The following MAD1L1 variants were observed in gnomAD, a reference collection of about 807,000 sequenced individuals.
MAD1L1 encodes the protein mitotic spindle assembly checkpoint protein MAD1.
A neutral mutation model predicts 96.9 loss-of-function variants in MAD1L1; 95 were observed. The ratio of observed to expected loss-of-function variants is 0.98; its 90% confidence interval spans 0.83 to 1.16. The LOEUF (loss-of-function observed/expected upper bound fraction) is 1.16. Among genes scored for constraint, MAD1L1 ranks in the 50% most tolerant of loss-of-function variants. The pLI, the probability that MAD1L1 is intolerant of heterozygous loss-of-function variation, is 0.00. For synonymous variants in MAD1L1, 473 were observed against 396.6 expected (o/e 1.19, Z -2.29); for missense variants, 1,007 against 954.4 (o/e 1.06, Z -0.73).
In MAD1L1 at chr7:2,229,998, G is replaced by A. The variant is rs975733229; in HGVS notation, c.136C>T (p.Gln46Ter). 3 of 1,612,840 alleles carry A rather than the reference G, an allele frequency of 1.9e-6. No homozygotes were observed. Among genetic ancestry groups the A allele is most frequent in the Non-Finnish European group, 2.5e-6 (3 of 1,180,022 alleles). The change falls in exon 3 of 19, where the codon CAG becomes TAG. Residue 46 changes from glutamine (Q) to a stop codon, truncating the protein, a stop_gained. Transcript: ENST00000265854. LOFTEE classifies it high-confidence loss of function. ...SAPGSLQMQY[Q>*]QSMQLEERAE... Reference sequence around the variant, plus strand: ...ATGCCACTCACCTGCATGCTCTGCTGGTACTGCATCTGCAGAGAACCTGGG... The same window carrying A: ...ATGCCACTCACCTGCATGCTCTGCTAGTACTGCATCTGCAGAGAACCTGGG...
intron 12 of MAD1L1, among the ~76,000 whole-genome samples, chr7:2,032,803 A>G (rs1783288180): frequency 6.6e-6 from 1 of 152,182 alleles, no homozygotes; most frequent in South Asian, 2.1e-4. Context: ...CCCAGAACTC[A>G]GCCTGGAGAG....
intron 18 of MAD1L1, chr7:1,847,903 C>T (rs968543914): frequency 2.8e-6 from 1 of 358,460 alleles, no homozygotes; most frequent in Admixed American, 3.6e-5. Flanking sequence ...CCCACTCTCA[C>T]CCACGCAGCT....
intron 17 of MAD1L1, among the ~76,000 whole-genome samples, chr7:1,922,349 G>A (rs1788847154): frequency 6.6e-6 from 1 of 152,266 alleles, no homozygotes; most frequent in Non-Finnish European, 1.5e-5. Context: ...TGGTGTTAGT[G>A]ATGCCTGCAG....
chr7:1,975,718 C>T (rs1780605382), intron 15 of MAD1L1, among the ~76,000 whole-genome samples: 1 of 152,190 alleles, frequency 6.6e-6, no homozygotes, highest in Non-Finnish European at 1.5e-5. Context: ...GTGGAGATCA[C>T]AGAGTGTCCT....
chr7:1,859,415 G>A (rs1054646926), intron 18 of MAD1L1, among the ~76,000 whole-genome samples: 36 of 152,244 alleles, frequency 2.4e-4, no homozygotes, highest in African/African-American at 8.2e-4. Context: ...GAGCCACAGG[G>A]ATATGTGTTT....
intron 17 of MAD1L1, among the ~76,000 whole-genome samples, chr7:1,908,931 G>A (rs1027948716): frequency 1.3e-5 from 2 of 152,224 alleles, no homozygotes; most frequent in Non-Finnish European, 2.9e-5. Context: ...CCTGGCATGA[G>A]CAGCGGCCCC....
At chr7:2,173,115 T>C (rs1790786586) in intron 10 of MAD1L1, among the ~76,000 whole-genome samples, 1 of 152,214 alleles carries the variant, frequency 6.6e-6, no homozygotes, top group Non-Finnish European at 1.5e-5. Flanking sequence ...CCACTCTGCA[T>C]CTCCTGGCCC....
chr7:2,134,648 T>C (rs756886622), intron 11 of MAD1L1, among the ~76,000 whole-genome samples: 1 of 152,140 alleles, frequency 6.6e-6, no homozygotes, highest in African/African-American at 2.4e-5. Context: ...AAAAGAAAAA[T>C]CTGCCCATTT....
intron 17 of MAD1L1, among the ~76,000 whole-genome samples, chr7:1,903,405 T>C (rs1356491509): frequency 0.091 from 4,767 of 52,646 alleles, no homozygotes; most frequent in Middle Eastern, 0.16. Flanking sequence ...ATGGAAGACG[T>C]TCTTGCGGAA....
chr7:2,002,237 G>A, intron 13 of MAD1L1, 116 bp from the exon 14 acceptor site: 2 of 1,068,350 alleles, frequency 1.9e-6, no homozygotes, highest in Non-Finnish European at 2.8e-6. Context: ...GGAGCAACGG[G>A]ACCCAGGAGC....
chr7:2,142,412 G>A lies in MAD1L1; in HGVS notation c.1073+6740C>T, dbSNP rs1378839030. On this transcript the variant is annotated intron_variant, in intron 11 of 18. Coordinates refer to ENST00000265854, the MANE Select transcript of MAD1L1 (RefSeq NM_001013836.2). The surrounding 1 kb of genome is among the most constrained non-coding windows in gnomAD (Gnocchi z 4.7). Reference sequence around the variant, plus strand: ...CACTGTGCGTCCCAGGCATGGTCCGGGGCTGCGGGAGAAACTCTTGGGACC... The same window carrying A: ...CACTGTGCGTCCCAGGCATGGTCCGAGGCTGCGGGAGAAACTCTTGGGACC... Among the ~76,000 whole-genome samples the A allele has an allele frequency of 6.6e-6, 1 of 152,220 alleles. No homozygotes were observed. Among genetic ancestry groups the A allele is most frequent in the East Asian group, 1.9e-4 (1 of 5,194 alleles).
intron 18 of MAD1L1, among the ~76,000 whole-genome samples, chr7:1,882,783 T>A (rs535091702): frequency 2.5e-4 from 38 of 152,338 alleles, no homozygotes; most frequent in African/African-American, 8.4e-4. Context: ...CACCCAGGCC[T>A]GCCCTCCATC....
rs555346594 is a variant in MAD1L1, at chr7:1,877,869, T to C, written c.1998+20331A>G. ...TCTTAACTGCGTATGTACCCCAAAA[T>C]AGGGATTAAAAATATAGGAAGCAAA... On this transcript the variant is annotated intron_variant, in intron 18 of 18. Coordinates refer to ENST00000265854, the MANE Select transcript of MAD1L1 (RefSeq NM_001013836.2). 4.6e-5 allele frequency among the ~76,000 whole-genome samples: 7 copies of C among 151,758 alleles called. No individual in the cohort carries two copies. In the South Asian group the frequency reaches 8.4e-4, roughly 18 times the overall value.
chr7:1,999,460 T>C (rs1173247293), intron 14 of MAD1L1, among the ~76,000 whole-genome samples: 3 of 152,168 alleles, frequency 2.0e-5, no homozygotes, highest in African/African-American at 7.2e-5. Context: ...CCATTCCCCA[T>C]GACTGTGTCT....
In MAD1L1 at chr7:1,816,046, C is replaced by A; in HGVS notation, c.*24G>T. 6.3e-7 allele frequency: 1 copy of A among 1,590,742 alleles called. No homozygotes were observed. Among genetic ancestry groups the A allele is most frequent in the South Asian group, 1.1e-5 (1 of 88,248 alleles). On this transcript the variant is annotated 3_prime_UTR_variant, in exon 19 of 19. Transcript: ENST00000265854. The stretch of plus-strand genomic sequence containing the variant: ...CAGGTCAGGCCAAGCAGAGTGGCTC[C>A]GGCTATGCCCCCGAGCCTGCAGGCT...
intron 10 of MAD1L1, among the ~76,000 whole-genome samples, chr7:2,156,385 G>C (rs983367010): frequency 1.3e-5 from 2 of 152,186 alleles, no homozygotes; most frequent in African/African-American, 4.8e-5. Context: ...AGAGTCATCT[G>C]AGGCAACTCC....
At chr7:1,950,020 G>A (rs979132617) in intron 16 of MAD1L1, among the ~76,000 whole-genome samples, 38 of 152,242 alleles carry the variant, frequency 2.5e-4, no homozygotes, top group African/African-American at 8.9e-4. Flanking sequence ...GGAGATCGAG[G>A]TGCTCAGCAG....
rs565807395 is a variant in MAD1L1, at chr7:1,938,304, C to T, written c.1597-1407G>A. 3.1e-4 allele frequency among the ~76,000 whole-genome samples: 47 copies of T among 152,298 alleles called. No homozygotes were observed. In the South Asian group the frequency reaches 7.9e-3, roughly 26 times the overall value. On this transcript the variant is annotated intron_variant, in intron 16 of 18. Coordinates refer to ENST00000265854, the MANE Select transcript of MAD1L1 (RefSeq NM_001013836.2). ...AGGGAGGTGCAGGGTCACTGCACAC[C>T]TGAGACCCCGACCTCACATCACACA...
chr7:1,919,021 C>T (rs999477378), intron 17 of MAD1L1, among the ~76,000 whole-genome samples: 1 of 152,270 alleles, frequency 6.6e-6, no homozygotes, highest in Non-Finnish European at 1.5e-5. Flanking sequence ...GCAGTTCCCT[C>T]CGGCCCATGC....
Sources: gnomAD v4.1 joint callset for allele counts (sites outside exome capture counted in the v4.1 genomes callset) on GRCh38, gnomAD v4.1.1 for gene constraint, Gnocchi (gnomAD v3.1) non-coding constraint, MANE v1.5 for transcripts, NCBI Gene and HGNC (gene_info 2026-07-23, HGNC 2026-07-21) for gene names.